Variants in GRIP1 observed in about 807,000 individuals in gnomAD.
The protein encoded by GRIP1 is glutamate receptor-interacting protein 1.
Under a neutral mutation model 129.9 loss-of-function variants are expected in GRIP1, and 45 were observed. The ratio of observed to expected loss-of-function variants is 0.35; its 90% CI spans 0.27 to 0.44. The LOEUF (loss-of-function observed/expected upper bound fraction) is 0.44, where lower values mean the gene tolerates loss of function less well. Ranked by LOEUF, GRIP1 falls within the 20% of genes least tolerant of loss-of-function variation. The pLI is 1.00. For synonymous variants in GRIP1, 530 were observed against 520.8 expected (o/e 1.02, Z -0.24); for missense variants, 1,196 against 1,396.8 (o/e 0.86, Z 2.29).
intron 1 of GRIP1, among the ~76,000 whole-genome samples, chr12:66,921,307 C>A (rs1265867321): frequency 6.6e-6 from 1 of 152,178 alleles, no homozygotes; most frequent in African/African-American, 2.4e-5. Context: ...GGCAAGATTC[C>A]ACACAAAATA....
intron 1 of GRIP1, among the ~76,000 whole-genome samples, chr12:66,914,820 G>A (rs1187886290): frequency 6.6e-6 from 1 of 152,098 alleles, no homozygotes; most frequent in Non-Finnish European, 1.5e-5. Flanking sequence ...GTCTAATCAG[G>A]GAGCTGAATT....
At chr12:66,723,312 T>C (rs866020373) in intron 1 of GRIP1, among the ~76,000 whole-genome samples, 9,713 of 66,482 alleles carry the variant, frequency 0.15, 1,374 homozygotes, top group Non-Finnish European at 0.17. Context: ...TTCTTTTTTT[T>C]TTTTTTTTTT....
intron 1 of GRIP1, among the ~76,000 whole-genome samples, chr12:66,996,748 T>TC (rs2042473438): frequency 6.6e-6 from 1 of 152,212 alleles, no homozygotes; most frequent in African/African-American, 2.4e-5. Flanking sequence ...GTTTCCACTT[T>TC]CCTGAATATT....
At chr12:66,416,759 A>G (rs11176174) in intron 15 of GRIP1, among the ~76,000 whole-genome samples, 75,009 of 152,042 alleles carry the variant, frequency 0.49, 22,173 homozygotes, top group Non-Finnish European at 0.66. Flanking sequence ...GATTGAAGTC[A>G]TAATAAAAAG....
intron 1 of GRIP1, among the ~76,000 whole-genome samples, chr12:66,884,507 T>C (rs976446991): frequency 6.6e-6 from 1 of 152,148 alleles, no homozygotes; most frequent in African/African-American, 2.4e-5. Context: ...AGCAACTTCC[T>C]TGAATGGAGG....
chr12:66,926,786 T>C (rs957932224), intron 1 of GRIP1, among the ~76,000 whole-genome samples: 1 of 152,208 alleles, frequency 6.6e-6, no homozygotes, highest in Non-Finnish European at 1.5e-5. Context: ...CACATTTCAC[T>C]AGGCCACATT....
chr12:66,526,481 G>T (rs1347830702), intron 5 of GRIP1, among the ~76,000 whole-genome samples: 3 of 151,968 alleles, frequency 2.0e-5, no homozygotes, highest in Admixed American at 6.6e-5. Flanking sequence ...GCCATATGTA[G>T]AAAGCTGAAA....
intron 1 of GRIP1, among the ~76,000 whole-genome samples, chr12:66,817,412 TA>T (rs1207065151): frequency 1.3e-5 from 2 of 152,194 alleles, no homozygotes; most frequent in Admixed American, 1.3e-4. Context: ...AATTTTATTG[TA>T]TTTTTTACTT....
At chr12:66,604,519 T>A (rs1377773508) in intron 1 of GRIP1, among the ~76,000 whole-genome samples, 1 of 152,232 alleles carries the variant, frequency 6.6e-6, no homozygotes, top group Non-Finnish European at 1.5e-5. Context: ...CATGACCATA[T>A]CAGATCCCAA....
intron 1 of GRIP1, among the ~76,000 whole-genome samples, chr12:66,928,761 C>T (rs2137393756): frequency 6.6e-6 from 1 of 152,242 alleles, no homozygotes; most frequent in African/African-American, 2.4e-5. Flanking sequence ...CTTAAAAATG[C>T]AAGAGGAATT....
chr12:66,643,672 C>T (rs914755898), intron 1 of GRIP1, among the ~76,000 whole-genome samples: 1 of 152,126 alleles, frequency 6.6e-6, no homozygotes, highest in African/African-American at 2.4e-5. Flanking sequence ...TCAAGCGATC[C>T]TCCCACCTCA....
intron 7 of GRIP1, among the ~76,000 whole-genome samples, chr12:66,491,609 C>T (rs1230393777): frequency 2.6e-5 from 4 of 152,050 alleles, no homozygotes; most frequent in Admixed American, 6.6e-5. Flanking sequence ...CCTACACATG[C>T]ACCCCTGAAC....
Position 66,348,860 on chromosome 12 carries a change from G to A in GRIP1, c.*159C>T. 1 of 695,620 alleles carries A rather than the reference G, an allele frequency of 1.4e-6. No individual in the cohort carries two copies. Among genetic ancestry groups the A allele is most frequent in the East Asian group, 2.5e-5 (1 of 39,850 alleles). 43.1% of individuals were successfully genotyped at this position (695,620 alleles called of 1,614,324 possible). ...AAAGAAACCTCTTCAACTTGAAAAG[G>A]GAAGTGAACATGAGCCATGAGAGAG... On this transcript the variant is annotated 3_prime_UTR_variant, in exon 25 of 25. Coordinates refer to ENST00000359742, the MANE Select transcript of GRIP1 (RefSeq NM_001366722.1).
chr12:66,371,156 T>A (rs2055466885), intron 23 of GRIP1, among the ~76,000 whole-genome samples: 2 of 127,394 alleles, frequency 1.6e-5, no homozygotes, highest in Admixed American at 1.8e-4. Context: ...TGGCCATAAA[T>A]AATTTTTTTT....
chr12:66,445,593 C>T (rs1004722027), intron 11 of GRIP1, 85 bp from the exon 12 acceptor site: 6 of 941,712 alleles, frequency 6.4e-6, no homozygotes. Context: ...CATGTCTCTG[C>T]ATAAAAACTG....
At chr12:66,906,439 A>G (rs1008314276) in intron 1 of GRIP1, among the ~76,000 whole-genome samples, 4 of 152,162 alleles carry the variant, frequency 2.6e-5, no homozygotes, top group Non-Finnish European at 5.9e-5. Flanking sequence ...TCAAAAAAAA[A>G]TAAAATAAGG....
chr12:67,031,454 A>G (rs1417952100), intron 1 of GRIP1, among the ~76,000 whole-genome samples: 2 of 152,138 alleles, frequency 1.3e-5, no homozygotes, highest in African/African-American at 4.8e-5. Flanking sequence ...ATCTTCCGCT[A>G]TTACCCATTC....
intron 1 of GRIP1, among the ~76,000 whole-genome samples, chr12:66,736,575 T>C (rs1441411365): frequency 6.6e-6 from 1 of 151,830 alleles, no homozygotes; most frequent in African/African-American, 2.4e-5. Flanking sequence ...TCCTTGTCTT[T>C]ATGTTCAGTA....
In GRIP1 at chr12:66,455,362, C is replaced by T. The variant is rs369600850; in HGVS notation, c.1354+47G>A. The T allele has an allele frequency of 2.5e-5, 40 of 1,586,958 alleles. No homozygotes were observed. The African/African-American group carries it at 4.7e-4, about 19-fold the overall frequency. Reference sequence around the variant, plus strand: ...TCGGTATTTTCAAGGCTCCATTGCCCACAGGTTTTTTCCAGGCCAAATGCC... The same window carrying T: ...TCGGTATTTTCAAGGCTCCATTGCCTACAGGTTTTTTCCAGGCCAAATGCC... On this transcript the variant is annotated intron_variant, in intron 11 of 24. Transcript: ENST00000359742.
Sources: allele counts gnomAD v4.1 joint callset (sites outside exome capture counted in the v4.1 genomes callset), GRCh38; gene constraint gnomAD v4.1.1; transcripts MANE v1.5; gene names NCBI Gene and HGNC (gene_info 2026-07-23, HGNC 2026-07-21).